Variants in EPN1 observed in about 807,000 individuals in gnomAD.
The protein encoded by EPN1 is epsin-1.
EPN1 carries 25 observed loss-of-function variants against 56.9 expected under a neutral mutation model. The observed-to-expected ratio is 0.44, with a 90% CI of 0.32 to 0.61. EPN1 has a LOEUF of 0.61. Among genes scored for constraint, EPN1 ranks in the 20% least tolerant of loss-of-function variants. EPN1 has a pLI of 0.05. For missense variants in EPN1, 785 were observed against 823.7 expected, an observed-to-expected ratio of 0.95 and a Z score of 0.58; for synonymous variants, 411 against 361.8, an observed-to-expected ratio of 1.14 and a Z score of -1.54.
chr19:55,689,960 GC>G lies in EPN1; in HGVS notation c.762+11del, dbSNP rs1330943659. 5 of 1,587,966 alleles carry G rather than the reference GC, an allele frequency of 3.1e-6. No individual in the cohort carries two copies. Among genetic ancestry groups the G allele is most frequent in the Non-Finnish European group, 4.3e-6 (5 of 1,167,554 alleles). On this transcript the variant is annotated intron_variant, in intron 6 of 10. Coordinates refer to ENST00000270460, the MANE Select transcript of EPN1 (RefSeq NM_001130072.2). The surrounding 1 kb of genome is among the most constrained non-coding windows in gnomAD (Gnocchi z 5.7). ...TGGGGGCAAGGAGGAGGTGAGCGGG[GC>G]TTGTTCTGCCCTCCCTGGCCCCTGC...
At chr19:55,685,752 C>A (rs992907257) in intron 3 of EPN1, 107 bp downstream of exon 3, 2 of 1,403,174 alleles carry the variant, frequency 1.4e-6, no homozygotes, top group Non-Finnish European at 1.9e-6. Flanking sequence ...GGAGGGACCG[C>A]GGCATCCCCC....
At position 55,694,946 on chromosome 19, in the gene EPN1, G is replaced by A. The variant is rs748385771; in HGVS notation, c.1485G>A (p.Pro495=). The stretch of plus-strand genomic sequence containing the variant: ...TGGTGAGCCGGCCGGGCCCCACGCC[G>A]CCTGGAGCCAAGGCCTCCAACCCCT... The part of the protein sequence containing the change: ...DSLVSRPGPT[P]PGAKASNPFL... Residue 495 remains proline, a synonymous_variant, in exon 10 of 11, where the codon CCG becomes CCA. Transcript: ENST00000270460. The surrounding 1 kb of genome is among the most constrained non-coding windows in gnomAD (Gnocchi z 4.2). The A allele has an allele frequency of 1.2e-5, 19 of 1,558,916 alleles. No individual in the cohort carries two copies. In the Admixed American group the frequency reaches 1.5e-4, roughly 13 times the overall value.
At chr19:55,683,474 C>A (rs779194716) in intron 2 of EPN1, among the ~76,000 whole-genome samples, 1 of 152,180 alleles carries the variant, frequency 6.6e-6, no homozygotes, top group Non-Finnish European at 1.5e-5. Flanking sequence ...ACCTCAGCCT[C>A]CTGAGTAGCT....
Position 55,688,998 on chromosome 19 carries a change from C to T in EPN1, c.603+4C>T, listed in dbSNP as rs1408738584. 3.8e-6 allele frequency: 6 copies of T among 1,593,420 alleles called. No individual in the cohort carries two copies. The highest frequency in any genetic ancestry group is 5.1e-6 in the Non-Finnish European group (6 of 1,173,928). ...GAGCAAGGAGGAGGCCGACCAGGTA[C>T]TGGGCGTGCAGCTGGGGCTGTCTGT... On this transcript the variant is annotated splice_donor_region_variant and intron_variant, in intron 4 of 10. Transcript: ENST00000270460.
In EPN1 at chr19:55,708,863, T is replaced by C; in HGVS notation, c.*13507T>C. The C allele has an allele frequency of 7.0e-7, 1 of 1,425,706 alleles. No individual in the cohort carries two copies. Among genetic ancestry groups the C allele is most frequent in the Non-Finnish European group, 9.3e-7 (1 of 1,071,040 alleles). The allele number at this position is 1,425,706 out of a possible 1,614,324, so 88.3% of individuals were successfully genotyped here. ...TAGAGGTGCCAGGTGAAGGTCCCACTGTGGCCAAGGAAAGCCTTTGTGAGA... is the reference window on the plus strand; with the variant it reads ...TAGAGGTGCCAGGTGAAGGTCCCACCGTGGCCAAGGAAAGCCTTTGTGAGA... On this transcript the variant is annotated 3_prime_UTR_variant, in exon 11 of 11. Transcript: ENST00000270460.
At position 55,689,555 on chromosome 19, in the gene EPN1, G is replaced by C. The variant is rs1986397910; in HGVS notation, c.678+184G>C. 6.6e-6 allele frequency among the ~76,000 whole-genome samples: 1 copy of C among 152,144 alleles called. No individual in the cohort carries two copies. Among genetic ancestry groups the C allele is most frequent in the African/African-American group, 2.4e-5 (1 of 41,434 alleles). The stretch of plus-strand genomic sequence containing the variant: ...ACAAGTCAGACAGAGCCTGGGTGGT[G>C]GCCAGCACAGCTGTGCCAAGGTTGC... On this transcript the variant is annotated intron_variant, in intron 5 of 10. Transcript: ENST00000270460. The surrounding 1 kb of genome is among the most constrained non-coding windows in gnomAD (Gnocchi z 5.7).
chr19:55,679,587 C>T (rs539235423), intron 2 of EPN1, among the ~76,000 whole-genome samples: 67 of 152,340 alleles, frequency 4.4e-4, no homozygotes, highest in African/African-American at 1.5e-3. Context: ...CAACAAGGCC[C>T]CACCCTCATG....
chr19:55,709,381 TA>T lies in EPN1; in HGVS notation c.*14037del, dbSNP rs36068544. 0.39 allele frequency: 59,007 copies of T among 151,328 alleles called. 12,132 individuals carry two copies. The highest frequency in any genetic ancestry group is 0.55 in the African/African-American group (22,577 of 40,874). The allele number at this position is 151,328 out of a possible 1,614,324, so 9.4% of individuals were successfully genotyped here. On this transcript the variant is annotated 3_prime_UTR_variant, in exon 11 of 11. Coordinates refer to ENST00000270460, the MANE Select transcript of EPN1 (RefSeq NM_001130072.2). ...TATTGCTTCTTATAATGTGCTTGCT[TA>T]AAAAAAAAAAACATGAGCTTTTCTC...
rs1323034565 is a variant in EPN1, at chr19:55,706,280, C to CTTTTTTTTTTTTTTTTTTT, written c.*10926_*10927insTTTTTTTTTTTTTTTTTTT. On this transcript the variant is annotated 3_prime_UTR_variant, in exon 11 of 11. Transcript: ENST00000270460. ...TTTCTTCCTTTCTTCTCTTTTTCTT[C>CTTTTTTTTTTTTTTTTTTT]TTCTTTTTTTTTTTTTTTTAAAAGA... The CTTTTTTTTTTTTTTTTTTT allele has an allele frequency of 1.5e-5, 2 of 129,314 alleles. No homozygotes were observed. Among genetic ancestry groups the CTTTTTTTTTTTTTTTTTTT allele is most frequent in the African/African-American group, 3.2e-5 (1 of 31,694 alleles). The allele number at this position is 129,314 out of a possible 1,614,324, so 8.0% of individuals were successfully genotyped here.
chr19:55,681,240 C>T (rs916186438), intron 2 of EPN1, among the ~76,000 whole-genome samples: 1 of 152,186 alleles, frequency 6.6e-6, no homozygotes, highest in African/African-American at 2.4e-5. Context: ...TTATTTGGTA[C>T]CTTGTACGTG....
chr19:55,678,905 G>A, intron 2 of EPN1, 50 bp downstream of exon 2: 2 of 1,363,168 alleles, frequency 1.5e-6, no homozygotes, highest in Non-Finnish European at 2.0e-6. Flanking sequence ...TCAGGTGGGA[G>A]GACAGGAGCC....
At chr19:55,680,965 A>G (rs920377091) in intron 2 of EPN1, among the ~76,000 whole-genome samples, 1 of 152,192 alleles carries the variant, frequency 6.6e-6, no homozygotes, top group Admixed American at 6.5e-5. Flanking sequence ...GTTGTGCAGG[A>G]GCAGTCTTTC....
In EPN1 at chr19:55,695,522, G is replaced by A. The variant is rs906583872; in HGVS notation, c.*166G>A. ...TCTTCCTTTCCCACCCCACCTCCCC[G>A]GAGAGAAACTGGACATGGGGCCTGG... On this transcript the variant is annotated 3_prime_UTR_variant, in exon 11 of 11. Transcript: ENST00000270460. The surrounding 1 kb of genome is among the most constrained non-coding windows in gnomAD (Gnocchi z 4.4). 2.2e-5 allele frequency: 13 copies of A among 590,812 alleles called. No homozygotes were observed. The highest frequency in any genetic ancestry group is 3.3e-5 in the Non-Finnish European group (11 of 332,854). The allele number at this position is 590,812 out of a possible 1,614,324, so 36.6% of individuals were successfully genotyped here.
In EPN1 at chr19:55,707,121, C is replaced by CA. The variant is rs1352964888; in HGVS notation, c.*11766dup. 1 of 151,482 alleles carries CA rather than the reference C, an allele frequency of 6.6e-6. No homozygotes were observed. The highest frequency in any genetic ancestry group is 2.4e-5 in the African/African-American group (1 of 41,088). The allele number at this position is 151,482 out of a possible 1,614,324, so 9.4% of individuals were successfully genotyped here. On this transcript the variant is annotated 3_prime_UTR_variant, in exon 11 of 11. Transcript: ENST00000270460. ...ACTTGAACCCAGGAGACGGAGGCTG[C>CA]AGTGAGCCGAGATTGTGCCACTGCA...
In EPN1 at chr19:55,696,317, A is replaced by G. The variant is rs1275976255; in HGVS notation, c.*961A>G. 2 of 152,206 alleles carry G rather than the reference A, an allele frequency of 1.3e-5. No homozygotes were observed. Among genetic ancestry groups the G allele is most frequent in the South Asian group, 2.1e-4 (1 of 4,826 alleles). The allele number at this position is 152,206 out of a possible 1,614,324, so 9.4% of individuals were successfully genotyped here. On this transcript the variant is annotated 3_prime_UTR_variant, in exon 11 of 11. Coordinates refer to ENST00000270460, the MANE Select transcript of EPN1 (RefSeq NM_001130072.2). ...ACACCTGGTGAGACTATCCGGGAGA[A>G]TCCTCGGGCCGCCTTGTGAGGGGGG... is the stretch of plus-strand genomic sequence containing the variant.
rs1016742864 is a variant in EPN1, at chr19:55,705,377, G to A, written c.*10021G>A. 2.6e-5 allele frequency: 4 copies of A among 152,224 alleles called. No individual in the cohort carries two copies. Among genetic ancestry groups the A allele is most frequent in the African/African-American group, 7.2e-5 (3 of 41,462 alleles). 9.4% of individuals were successfully genotyped at this position (152,224 alleles called of 1,614,324 possible). A position where few individuals can be genotyped will look rare whatever the true frequency, so the allele number is the denominator to read the frequency against. On this transcript the variant is annotated 3_prime_UTR_variant, in exon 11 of 11. Coordinates refer to ENST00000270460, the MANE Select transcript of EPN1 (RefSeq NM_001130072.2). ...GAGCCACTACAACACATTTCATGAA[G>A]TGGCGTGAGCCTGTAATTCCAGCAG...
Position 55,694,524 on chromosome 19 carries a change from A to G in EPN1, c.1265-202A>G. 1.9e-6 allele frequency: 1 copy of G among 514,664 alleles called. No individual in the cohort carries two copies. The highest frequency in any genetic ancestry group is 3.2e-6 in the Non-Finnish European group (1 of 309,084). 31.9% of individuals were successfully genotyped at this position (514,664 alleles called of 1,614,324 possible). ...CCTCTTGTGTTTGCTCACTGGAATC[A>G]GACCCACCTTATGGGAATCTGGGCT... On this transcript the variant is annotated intron_variant, in intron 9 of 10. Coordinates refer to ENST00000270460, the MANE Select transcript of EPN1 (RefSeq NM_001130072.2). This position sits in a 1 kb window ranked among gnomAD's most constrained non-coding sequence, Gnocchi z 4.2.
chr19:55,693,130 G>T, intron 9 of EPN1, 93 bp downstream of exon 9: 1 of 1,272,136 alleles, frequency 7.9e-7, no homozygotes. Flanking sequence ...CCCACTCCAG[G>T]CAGGGCCGGC....
intron 2 of EPN1, among the ~76,000 whole-genome samples, chr19:55,681,908 A>G (rs934133762): frequency 3.3e-5 from 5 of 152,076 alleles, no homozygotes; most frequent in African/African-American, 1.2e-4. Context: ...CTGGGCTCCA[A>G]GCATGGTTGA....
Sources: allele counts gnomAD v4.1 joint callset (sites outside exome capture counted in the v4.1 genomes callset), GRCh38; gene constraint gnomAD v4.1.1; non-coding constraint Gnocchi (gnomAD v3.1); transcripts MANE v1.5; gene names NCBI Gene and HGNC (gene_info 2026-07-23, HGNC 2026-07-21).